ABCB11: variants seen among roughly 807,000 people sequenced by gnomAD.
ABCB11 encodes the protein bile salt export pump.
A neutral mutation model predicts 148.0 loss-of-function variants in ABCB11; 95 were observed. The observed-to-expected ratio is 0.64, with a 90% CI of 0.54 to 0.76. The LOEUF (loss-of-function observed/expected upper bound fraction) is 0.76, where lower values mean the gene tolerates loss of function less well. Among genes scored for constraint, ABCB11 ranks in the 30% least tolerant of loss-of-function variants. The probability of loss-of-function intolerance (pLI) is 0.00; values close to 1 mark genes in which losing one functional copy is unlikely to be tolerated. For missense variants in ABCB11, 1,523 were observed against 1,617.8 expected (o/e 0.94, Z 1.01); for synonymous variants, 591 against 555.4 (o/e 1.06, Z -0.90).
intron 8 of ABCB11, among the ~76,000 whole-genome samples, chr2:168,992,014 ATTTT>A (rs1320630457): frequency 7.1e-6 from 1 of 140,330 alleles, no homozygotes; most frequent in Non-Finnish European, 1.6e-5. Flanking sequence ...TTTAAAAAAA[ATTTT>A]TTTTTTTTTT....
At chr2:169,002,526 T>C (rs1317305929) in intron 5 of ABCB11, among the ~76,000 whole-genome samples, 1 of 152,130 alleles carries the variant, frequency 6.6e-6, no homozygotes, top group African/African-American at 2.4e-5. Flanking sequence ...TTACTCACAA[T>C]AGCCACCTAT....
intron 3 of ABCB11, among the ~76,000 whole-genome samples, chr2:169,016,477 A>T (rs1453312379): frequency 2.0e-5 from 3 of 152,006 alleles, no homozygotes; most frequent in Non-Finnish European, 2.9e-5. Flanking sequence ...GGGTTTAGAG[A>T]CCTCTCCAAT....
At chr2:168,917,207 A>AC (rs1246740134), downstream of ABCB11, among the ~76,000 whole-genome samples, 2 of 151,836 alleles carry the variant, frequency 1.3e-5, no homozygotes, top group Admixed American at 6.6e-5. Context: ...TTGGACAAAA[A>AC]AACTAGAGGC....
rs139539426 is a variant in ABCB11 at position 169,025,725 on chromosome 2, G to A, written c.-28+5500C>T. 7.2e-5 allele frequency among the ~76,000 whole-genome samples: 11 copies of A among 152,294 alleles called. No homozygotes were observed. The East Asian group carries it at 2.1e-3, about 29-fold the overall frequency. On this transcript the variant is annotated intron_variant, in intron 1 of 27. Transcript: ENST00000650372. ...TACTGTTAAAAGTTACATTCTAAAA[G>A]GCAAAAATCCATTAAATCATGCGTC...
chr2:169,010,102 GT>G (rs1695136988), intron 5 of ABCB11, among the ~76,000 whole-genome samples: 1 of 152,134 alleles, frequency 6.6e-6, no homozygotes, highest in South Asian at 2.1e-4. Flanking sequence ...ATTCACACTT[GT>G]TTAGACTCCT....
chr2:169,005,033 C>A (rs948550561), intron 5 of ABCB11, among the ~76,000 whole-genome samples: 1 of 152,094 alleles, frequency 6.6e-6, no homozygotes, highest in African/African-American at 2.4e-5. Flanking sequence ...TGGATAACAG[C>A]ACCTGCACCT....
intron 2 of ABCB11, among the ~76,000 whole-genome samples, chr2:169,017,596 G>A (rs1695401742): frequency 6.6e-6 from 1 of 152,102 alleles, no homozygotes; most frequent in African/African-American, 2.4e-5. Context: ...AAATCATAGG[G>A]TTAGAAAACA....
intron 10 of ABCB11, among the ~76,000 whole-genome samples, 151 bp from the exon 11 acceptor site, chr2:168,980,130 C>T (rs1694085590): frequency 2.6e-5 from 4 of 151,946 alleles, no homozygotes; most frequent in Admixed American, 2.6e-4. Context: ...TTGGAAATAC[C>T]CAAAATAATT....
chr2:168,930,852 TG>T lies in ABCB11; in HGVS notation c.3223del (p.Gln1075ArgfsTer22). ...NTAGEKWDNFQGKIDFVDCKF... is the reference protein window; with the variant it reads ...NTAGEKWDNFXGKIDFVDCKF... ...ACAATCAACAAAATCAATCTTCCCCTGGAAGTTGTCCTGTGGATGGGAGGAT... is the reference window on the plus strand; with the variant it reads ...ACAATCAACAAAATCAATCTTCCCCTGAAGTTGTCCTGTGGATGGGAGGAT... On this transcript the variant is annotated frameshift_variant, in exon 25 of 28. Coordinates refer to ENST00000650372, the MANE Select transcript of ABCB11 (RefSeq NM_003742.4). LOFTEE classifies it high-confidence loss of function. 6.3e-7 allele frequency: 1 copy of T among 1,598,340 alleles called. No individual in the cohort carries two copies.
chr2:168,935,473 C>A (rs748983132), intron 22 of ABCB11, 48 bp from the exon 23 acceptor site: 1 of 1,566,640 alleles, frequency 6.4e-7, no homozygotes, highest in Non-Finnish European at 8.7e-7. Context: ...GAAATAACTC[C>A]TTTCGTGACA....
chr2:168,949,038 A>G (rs1692449839), intron 19 of ABCB11, among the ~76,000 whole-genome samples: 1 of 151,640 alleles, frequency 6.6e-6, no homozygotes, highest in Non-Finnish European at 1.5e-5. Context: ...CAAATTCTAT[A>G]GACTAGGATT....
intron 1 of ABCB11, among the ~76,000 whole-genome samples, chr2:169,023,244 A>G (rs1056116881): frequency 6.6e-5 from 10 of 152,224 alleles, no homozygotes; most frequent in Admixed American, 4.6e-4. Context: ...AATAATTAAC[A>G]ATGAAATGGC....
At chr2:168,918,018 A>C (rs1254250681), downstream of ABCB11, among the ~76,000 whole-genome samples, 1 of 149,692 alleles carries the variant, frequency 6.7e-6, no homozygotes, top group Non-Finnish European at 1.5e-5. Context: ...TACAATTAGC[A>C]TAAATTTCAC....
intron 21 of ABCB11, among the ~76,000 whole-genome samples, chr2:168,943,559 T>G (rs1451610636): frequency 6.6e-6 from 1 of 151,974 alleles, no homozygotes; most frequent in African/African-American, 2.4e-5. Context: ...TTAGATTATT[T>G]CAGGGGAAAC....
chr2:168,959,286 A>G (rs984632969), intron 18 of ABCB11, among the ~76,000 whole-genome samples: 1 of 151,716 alleles, frequency 6.6e-6, no homozygotes, highest in Non-Finnish European at 1.5e-5. Context: ...GTACTTTGTC[A>G]TTACTGCTCA....
chr2:169,022,739 A>C (rs532846450), intron 1 of ABCB11, among the ~76,000 whole-genome samples: 6 of 152,232 alleles, frequency 3.9e-5, no homozygotes, highest in Admixed American at 1.3e-4. Flanking sequence ...AAGAAGGATA[A>C]AAATAGGCTT....
At chr2:168,974,179 T>C (rs1047667552) in intron 12 of ABCB11, among the ~76,000 whole-genome samples, 2 of 151,918 alleles carry the variant, frequency 1.3e-5, no homozygotes, top group Non-Finnish European at 2.9e-5. Flanking sequence ...CATACTAGGA[T>C]AAGGAGACTA....
chr2:168,920,323 A>G (rs114011597), downstream of ABCB11, among the ~76,000 whole-genome samples: 2,839 of 152,200 alleles, frequency 0.019, 43 homozygotes, highest in Non-Finnish European at 0.027. Context: ...CAGCTTGGAA[A>G]TTCATATTCT....
downstream of ABCB11, among the ~76,000 whole-genome samples, chr2:168,918,031 GT>G (rs35902743): frequency 5.3e-5 from 8 of 151,816 alleles, no homozygotes; most frequent in Admixed American, 2.6e-4. Flanking sequence ...AATTTCACCT[GT>G]TTTTTTTCCA....
Sources: allele counts gnomAD v4.1 joint callset (sites outside exome capture counted in the v4.1 genomes callset), GRCh38; gene constraint gnomAD v4.1.1; transcripts MANE v1.5; gene names NCBI Gene and HGNC (gene_info 2026-07-23, HGNC 2026-07-21).